Variants in ADAMTS3 observed in about 807,000 individuals in gnomAD.
ADAMTS3 encodes ADAM metallopeptidase with thrombospondin type 1 motif 3.
ADAMTS3 carries 73 observed loss-of-function variants against 129.0 expected under a neutral mutation model. The ratio of observed to expected loss-of-function variants is 0.57; its 90% CI spans 0.47 to 0.69. ADAMTS3 has a LOEUF of 0.69. Among genes scored for constraint, ADAMTS3 ranks in the 30% least tolerant of loss-of-function variants. The pLI, the probability that ADAMTS3 is intolerant of heterozygous loss-of-function variation, is 0.00. For synonymous variants in ADAMTS3, 477 were observed against 510.8 expected (o/e 0.93, Z 0.89); for missense variants, 1,457 against 1,514.5 (o/e 0.96, Z 0.63).
chr4:72,352,624 T>C (rs1329616518), intron 4 of ADAMTS3, among the ~76,000 whole-genome samples: 5 of 151,992 alleles, frequency 3.3e-5, no homozygotes, highest in African/African-American at 1.2e-4. Context: ...AAGAAGGATA[T>C]GTAAACAGAT....
chr4:72,494,130 G>A (rs1161193464), intron 3 of ADAMTS3, among the ~76,000 whole-genome samples: 1 of 152,070 alleles, frequency 6.6e-6, no homozygotes, highest in African/African-American at 2.4e-5. Flanking sequence ...CAAGATTTGG[G>A]AAGTTTTCAG....
chr4:72,327,996 G>A (rs569985243), intron 5 of ADAMTS3, among the ~76,000 whole-genome samples: 4 of 152,312 alleles, frequency 2.6e-5, no homozygotes, highest in Non-Finnish European at 5.9e-5. Context: ...AGGGTGAAAT[G>A]TATAACCAGT....
chr4:72,336,133 T>C (rs968275362), intron 5 of ADAMTS3, among the ~76,000 whole-genome samples: 14 of 152,220 alleles, frequency 9.2e-5, no homozygotes, highest in Non-Finnish European at 1.8e-4. Context: ...AGAGCACATC[T>C]GCTGAGCAGT....
At chr4:72,356,800 A>T (rs191703172) in intron 4 of ADAMTS3, among the ~76,000 whole-genome samples, 1 of 151,838 alleles carries the variant, frequency 6.6e-6, no homozygotes, top group Non-Finnish European at 1.5e-5. Context: ...TAAATTTACA[A>T]ATATATGCTA....
At chr4:72,318,846 G>A (rs1578578107) in intron 9 of ADAMTS3, 142 bp from the exon 10 acceptor site, 1 of 768,448 alleles carries the variant, frequency 1.3e-6, no homozygotes, top group East Asian at 2.7e-5. Flanking sequence ...ATGTATTTAA[G>A]GTTTTGGTTT....
In ADAMTS3 at chr4:72,383,779, C is replaced by T. The variant is rs140555052; in HGVS notation, c.661+31036G>A. On this transcript the variant is annotated intron_variant, in intron 4 of 21. Transcript: ENST00000286657. ...TGTATCATTCAAAATGTTTAAGAAA[C>T]AATTCAAAATTAGATACATAAAGAA... is the stretch of plus-strand genomic sequence containing the variant. 4.9e-3 allele frequency among the ~76,000 whole-genome samples: 741 copies of T among 152,082 alleles called. 1 individual carries two copies. The highest frequency in any genetic ancestry group is 0.017 in the African/African-American group (700 of 41,478).
In ADAMTS3 at chr4:72,312,376, G is replaced by C. The variant is rs1366973304; in HGVS notation, c.1836C>G (p.Phe612Leu). 2 of 1,613,648 alleles carry C rather than the reference G, an allele frequency of 1.2e-6. No individual in the cohort carries two copies. The highest frequency in any genetic ancestry group is 2.2e-5 in the East Asian group (1 of 44,852). Residue 612 changes from phenylalanine (F) to leucine (L), a missense_variant, in exon 13 of 22, where the codon TTC becomes TTG. By Grantham distance (22) the Phe-to-Leu change is conservative. Coordinates refer to ENST00000286657, the MANE Select transcript of ADAMTS3 (RefSeq NM_014243.3). ...TEECQKHFED[F>L]RAQQCQQRNS... ...TTCGCTGCTGACACTGCTGTGCTCT[G>C]AAGTCCTCAAAGTGTTTTTGGCATT...
intron 3 of ADAMTS3, among the ~76,000 whole-genome samples, chr4:72,453,170 A>G (rs894874561): frequency 6.6e-6 from 1 of 151,804 alleles, no homozygotes; most frequent in Non-Finnish European, 1.5e-5. Context: ...ATTCTAAAAA[A>G]CATAGAGAAA....
chr4:72,391,159 T>A (rs1026291545), intron 4 of ADAMTS3, among the ~76,000 whole-genome samples: 8 of 152,098 alleles, frequency 5.3e-5, no homozygotes, highest in Non-Finnish European at 1.0e-4. Flanking sequence ...AAAGGGTAGT[T>A]AGAGGGAAGA....
At chr4:72,358,827 T>A (rs62318837) in intron 4 of ADAMTS3, among the ~76,000 whole-genome samples, 3,274 of 151,994 alleles carry the variant, frequency 0.022, 53 homozygotes, top group Non-Finnish European at 0.032. Context: ...AGGAGACATC[T>A]AAGTCTCTTA....
At chr4:72,487,317 C>T (rs375399808) in intron 3 of ADAMTS3, among the ~76,000 whole-genome samples, 21 of 152,160 alleles carry the variant, frequency 1.4e-4, no homozygotes, top group African/African-American at 5.1e-4. Flanking sequence ...AAAAAGGATG[C>T]ATGTGCTAAA....
intron 11 of ADAMTS3, 116 bp from the exon 12 acceptor site, chr4:72,313,938 G>A (rs2109800396): frequency 8.6e-7 from 1 of 1,168,680 alleles, no homozygotes. Context: ...CTTCCAGGTG[G>A]AGATGCATTT....
At chr4:72,350,056 T>C (rs1378043248) in intron 4 of ADAMTS3, among the ~76,000 whole-genome samples, 1 of 152,036 alleles carries the variant, frequency 6.6e-6, no homozygotes, top group African/African-American at 2.4e-5. Flanking sequence ...ATACTATAAT[T>C]CCTAGTCCAC....
At chr4:72,421,347 C>A (rs191363804) in intron 3 of ADAMTS3, among the ~76,000 whole-genome samples, 1 of 152,346 alleles carries the variant, frequency 6.6e-6, no homozygotes, top group Non-Finnish European at 1.5e-5. Flanking sequence ...TTCACATGGG[C>A]ATGGGCTTTG....
chr4:72,300,872 C>T (rs1718931759), intron 17 of ADAMTS3, among the ~76,000 whole-genome samples: 2 of 152,112 alleles, frequency 1.3e-5, no homozygotes, highest in Admixed American at 6.6e-5. Flanking sequence ...TGAGGCCTTT[C>T]AGCACCATGT....
chr4:72,472,567 A>G (rs530846018), intron 3 of ADAMTS3, among the ~76,000 whole-genome samples: 1 of 152,054 alleles, frequency 6.6e-6, no homozygotes, highest in African/African-American at 2.4e-5. Flanking sequence ...GAACCTGACA[A>G]TGTCATCTTG....
chr4:72,359,152 G>A (rs1488673330), intron 4 of ADAMTS3, among the ~76,000 whole-genome samples: 2 of 151,920 alleles, frequency 1.3e-5, no homozygotes, highest in Non-Finnish European at 1.5e-5. Context: ...CTAAGAATCC[G>A]TGGCATAAAA....
In ADAMTS3 at chr4:72,525,894, G is replaced by A. The variant is rs544647049; in HGVS notation, c.504+22584C>T. On this transcript the variant is annotated intron_variant, in intron 3 of 21. Transcript: ENST00000286657. ...ACTCTGAACTGGCGGGGGAGAGAGGGTTATGATCCTCTTAAATCATCCCCA... is the reference window on the plus strand; with the variant it reads ...ACTCTGAACTGGCGGGGGAGAGAGGATTATGATCCTCTTAAATCATCCCCA... 1.6e-3 allele frequency among the ~76,000 whole-genome samples: 251 copies of A among 152,272 alleles called. 1 individual carries two copies. The highest frequency in any genetic ancestry group is 3.4e-3 in the Middle Eastern group (1 of 294).
chr4:72,286,243 C>A (rs1015480664), intron 21 of ADAMTS3, among the ~76,000 whole-genome samples: 1 of 152,208 alleles, frequency 6.6e-6, no homozygotes, highest in Non-Finnish European at 1.5e-5. Context: ...AGCTTACTTA[C>A]AAAGTGGCAG....
Sources: gnomAD v4.1 joint callset for allele counts (sites outside exome capture counted in the v4.1 genomes callset) on GRCh38, gnomAD v4.1.1 for gene constraint, MANE v1.5 for transcripts, NCBI Gene and HGNC (gene_info 2026-07-23, HGNC 2026-07-21) for gene names.